MUCL3: variants seen among roughly 807,000 people sequenced by gnomAD.
The protein encoded by MUCL3 is mucin like 3.
Under a neutral mutation model 70.2 loss-of-function variants are expected in MUCL3, and 42 were observed. That is an observed-to-expected ratio of 0.60 (90% CI 0.47 to 0.77). The LOEUF is 0.77. MUCL3 is among the 30% of genes least tolerant of loss of function. The pLI is 0.00. For synonymous variants in MUCL3, 522 were observed against 647.0 expected (o/e 0.81, Z 2.93); for missense variants, 1,429 against 1,670.0 (o/e 0.86, Z 2.52).
rs774428651 is a variant in MUCL3, at chr6:30,951,975, G to T, written c.3511G>T (p.Glu1171Ter). Residue 1171 changes from glutamate to a stop codon, truncating the protein, a stop_gained, in exon 2 of 3, where the codon GAA (glutamate) becomes TAA (stop). Transcript: ENST00000462446. LOFTEE classifies it high-confidence loss of function. The part of the protein sequence containing the change: ...QVTEKSTEHP[E>*]KTTSTTEKTT... ...CACAGAAAAGTCCACAGAACACCCAGAAAAGACCACGTCAACCACAGAGAA... is the reference window on the plus strand; with the variant it reads ...CACAGAAAAGTCCACAGAACACCCATAAAAGACCACGTCAACCACAGAGAA... The T allele has an allele frequency of 1.2e-6, 2 of 1,612,408 alleles. No homozygotes were observed. Among genetic ancestry groups the T allele is most frequent in the Non-Finnish European group, 1.7e-6 (2 of 1,179,756 alleles).
Position 30,951,501 on chromosome 6 carries a change from A to T in MUCL3, c.3037A>T (p.Thr1013Ser), listed in dbSNP as rs1449562222. 1 of 1,551,252 alleles carries T rather than the reference A, an allele frequency of 6.4e-7. No homozygotes were observed. Among genetic ancestry groups the T allele is most frequent in the Non-Finnish European group, 8.7e-7 (1 of 1,146,842 alleles). ...EHGERTANEKTTPSPAEPTEH... is the reference protein window; with the variant it reads ...EHGERTANEKSTPSPAEPTEH... ...TGGAGAAAGGACAGCCAATGAGAAG[A>T]CCACACCATCCCCAGCAGAGCCTAC... is the stretch of plus-strand genomic sequence containing the variant. Residue 1013 changes from threonine (T) to serine (S), a missense_variant, in exon 2 of 3, where the codon ACC (threonine) becomes TCC (serine). Physicochemically the swap from Thr to Ser is moderately conservative, Grantham distance 58. Transcript: ENST00000462446.
intron 1 of MUCL3, among the ~76,000 whole-genome samples, chr6:30,943,029 G>A (rs756863330): frequency 1.3e-5 from 2 of 152,126 alleles, no homozygotes; most frequent in African/African-American, 4.8e-5. Context: ...TGATGAGGTC[G>A]GGTGGAACTG....
chr6:30,948,969 C>G lies in MUCL3; in HGVS notation c.505C>G (p.Arg169Gly). 6.4e-7 allele frequency: 1 copy of G among 1,551,536 alleles called. No homozygotes were observed. Among genetic ancestry groups the G allele is most frequent in the Non-Finnish European group, 8.7e-7 (1 of 1,146,950 alleles). The change falls in exon 2 of 3, where the codon CGT becomes GGT. Residue 169 changes from arginine to glycine, a missense_variant. Coordinates refer to ENST00000462446, the MANE Select transcript of MUCL3 (RefSeq NM_080870.4). ...TPAPKSKINC[R>G]KSTTGKSTVT... ...AGCACCCAAGAGCAAAATAAACTGT[C>G]GTAAGTCCACAACAGGCAAATCAAC...
intron 1 of MUCL3, among the ~76,000 whole-genome samples, chr6:30,945,763 G>A (rs1375334298): frequency 6.6e-6 from 1 of 152,152 alleles, no homozygotes; most frequent in East Asian, 1.9e-4. Flanking sequence ...GACCATCCTG[G>A]CTAACACAGT....
rs111658797 is a variant in MUCL3, at chr6:30,950,664, A to G, written c.2200A>G (p.Thr734Ala). 54,661 of 1,547,194 alleles carry G rather than the reference A, an allele frequency of 0.035. 1,340 individuals carry two copies. The highest frequency in any genetic ancestry group is 0.09 in the Admixed American group (4,560 of 50,690). The part of the protein sequence containing the change: ...NRERTANEKT[T>A]PFPAEPTENR... ...AGAAAGGACAGCCAATGAGAAGACC[A>G]CACCATTCCCAGCAGAGCCTACAGA... The change falls in exon 2 of 3, where the codon ACA becomes GCA. Residue 734 changes from threonine (T) to alanine (A), a missense_variant. Thr to Ala is a moderately conservative substitution (Grantham distance 58). Transcript: ENST00000462446.
In MUCL3 at chr6:30,951,308, G is replaced by T; in HGVS notation, c.2844G>T (p.Arg948Ser). ...SRAEPTEHGE[R>S]IANEKATPSP... ...CAGAGCCTACAGAACATGGAGAAAGGATAGCCAATGAGAAGGCCACACCAT... is the reference window on the plus strand; with the variant it reads ...CAGAGCCTACAGAACATGGAGAAAGTATAGCCAATGAGAAGGCCACACCAT... The change falls in exon 2 of 3, where the codon AGG becomes AGT. Residue 948 changes from arginine to serine, a missense_variant. Arg to Ser is a moderately radical substitution (Grantham distance 110, BLOSUM62 -1). Transcript: ENST00000462446. The T allele has an allele frequency of 6.5e-7, 1 of 1,547,334 alleles. No homozygotes were observed. Among genetic ancestry groups the T allele is most frequent in the Non-Finnish European group, 8.7e-7 (1 of 1,146,052 alleles).
intron 1 of MUCL3, 83 bp downstream of exon 1, chr6:30,941,164 T>G (rs536091996): frequency 6.7e-7 from 1 of 1,490,992 alleles, no homozygotes; most frequent in African/African-American, 1.4e-5. Context: ...TAGAAATGAA[T>G]GAAGGGGGCG....
Position 30,950,479 on chromosome 6 carries a change from C to A in MUCL3, c.2015C>A (p.Thr672Asn). 1 of 1,550,608 alleles carries A rather than the reference C, an allele frequency of 6.4e-7. No individual in the cohort carries two copies. Among genetic ancestry groups the A allele is most frequent in the Non-Finnish European group, 8.7e-7 (1 of 1,146,836 alleles). ...AGAGAAAGGACAGCCAATGAGAAGA[C>A]CACATCATCCCCAGCAGAGCCTACA... ...ENRERTANEK[T>N]TSSPAEPTEN... Residue 672 changes from threonine (T) to asparagine (N), a missense_variant, in exon 2 of 3, where the codon ACC (threonine) becomes AAC (asparagine). Thr to Asn is a moderately conservative substitution (Grantham distance 65). Coordinates refer to ENST00000462446, the MANE Select transcript of MUCL3 (RefSeq NM_080870.4).
chr6:30,946,059 G>C (rs1447307590), intron 1 of MUCL3: 3 of 152,344 alleles, frequency 2.0e-5, no homozygotes, highest in Admixed American at 6.5e-5. Context: ...AGCAGAGAAA[G>C]TGGCCCAGGA....
chr6:30,953,124 AG>A lies in MUCL3; in HGVS notation c.*8del. 8.7e-6 allele frequency: 14 copies of A among 1,613,776 alleles called. No individual in the cohort carries two copies. The highest frequency in any genetic ancestry group is 1.2e-5 in the Non-Finnish European group (14 of 1,179,972). ...GATCCCTTCCCCACGGTGATCTTGG[AG>A]TAGGCGCCCAGCCCTGGCTCTTCCA... On this transcript the variant is annotated 3_prime_UTR_variant, in exon 3 of 3. Coordinates refer to ENST00000462446, the MANE Select transcript of MUCL3 (RefSeq NM_080870.4).
At chr6:30,943,581 A>G (rs1421829967) in intron 1 of MUCL3, among the ~76,000 whole-genome samples, 3 of 152,164 alleles carry the variant, frequency 2.0e-5, no homozygotes, top group African/African-American at 4.8e-5. Flanking sequence ...GGTGCAGCCC[A>G]GATGAAATCA....
rs1295420632 is a variant in MUCL3 at position 30,950,649 on chromosome 6, G to T, written c.2185G>T (p.Ala729Ser). 3.9e-6 allele frequency: 6 copies of T among 1,535,870 alleles called. No homozygotes were observed. Among genetic ancestry groups the T allele is most frequent in the Admixed American group, 4.0e-5 (2 of 50,262 alleles). Residue 729 changes from alanine (A) to serine (S), a missense_variant, in exon 2 of 3, where the codon GCC becomes TCC. By Grantham distance (99) the Ala-to-Ser change is moderately conservative. Coordinates refer to ENST00000462446, the MANE Select transcript of MUCL3 (RefSeq NM_080870.4). Reference sequence around the variant, plus strand: ...GCCTACAGAAAATAGAGAAAGGACAGCCAATGAGAAGACCACACCATTCCC... The same window carrying T: ...GCCTACAGAAAATAGAGAAAGGACATCCAATGAGAAGACCACACCATTCCC... ...AEPTENRERTANEKTTPFPAE... is the reference protein window; with the variant it reads ...AEPTENRERTSNEKTTPFPAE...
rs1438215865 is a variant in MUCL3, at chr6:30,951,711, C to A, written c.3247C>A (p.Pro1083Thr). 26 of 1,552,000 alleles carry A rather than the reference C, an allele frequency of 1.7e-5. No homozygotes were observed. Among genetic ancestry groups the A allele is most frequent in the Non-Finnish European group, 2.2e-5 (25 of 1,147,098 alleles). ...GAAGATCACACTATCCCCAGAAGGG[C>A]CTACAGAACATGGAGCAAAAACTAC... ...NEKITLSPEG[P>T]TEHGAKTTSA... is the part of the protein sequence containing the mutation. Residue 1083 changes from proline (P) to threonine (T), a missense_variant, in exon 2 of 3, where the codon CCT becomes ACT. Coordinates refer to ENST00000462446, the MANE Select transcript of MUCL3 (RefSeq NM_080870.4).
intron 1 of MUCL3, among the ~76,000 whole-genome samples, chr6:30,945,469 G>A (rs1202810341): frequency 8.6e-5 from 10 of 116,690 alleles, no homozygotes; most frequent in Admixed American, 7.3e-4. Flanking sequence ...GAGACCCTGC[G>A]TCTTAAAAAA....
Position 30,953,364 on chromosome 6 carries a change from T to A in MUCL3, c.*247T>A. 1.7e-6 allele frequency: 1 copy of A among 594,134 alleles called. No individual in the cohort carries two copies. Among genetic ancestry groups the A allele is most frequent in the Non-Finnish European group, 2.9e-6 (1 of 343,410 alleles). The allele number at this position is 594,134 out of a possible 1,614,324, so 36.8% of individuals were successfully genotyped here. On this transcript the variant is annotated 3_prime_UTR_variant, in exon 3 of 3. Transcript: ENST00000462446. ...AGCAGACATTCTCTGTAGAAGGTAA[T>A]GGTCTGAGAATGAAAAGGTGTTTGA...
At position 30,953,283 on chromosome 6, in the gene MUCL3, T is replaced by G; in HGVS notation, c.*166T>G. On this transcript the variant is annotated 3_prime_UTR_variant, in exon 3 of 3. Coordinates refer to ENST00000462446, the MANE Select transcript of MUCL3 (RefSeq NM_080870.4). ...TCTTGAAACTGGTTGGGGAATGAGG[T>G]GATAAGCAAGGAGGGTGTAAGTTTA... 9.6e-7 allele frequency: 1 copy of G among 1,044,604 alleles called. No homozygotes were observed. 64.7% of individuals were successfully genotyped at this position (1,044,604 alleles called of 1,614,324 possible).
At position 30,949,934 on chromosome 6, in the gene MUCL3, G is replaced by A; in HGVS notation, c.1470G>A (p.Lys490=). The A allele has an allele frequency of 6.7e-7, 1 of 1,499,248 alleles. No homozygotes were observed. The highest frequency in any genetic ancestry group is 8.9e-7 in the Non-Finnish European group (1 of 1,126,086). The allele number at this position is 1,499,248 out of a possible 1,614,324, so 92.9% of individuals were successfully genotyped here. A position where few individuals can be genotyped will look rare whatever the true frequency, so the allele number is the denominator to read the frequency against. ...TENRETTANE[K]TTPSPAEPTE... Reference sequence around the variant, plus strand: ...ATAGAGAAACAACAGCCAATGAGAAGACCACACCATCCCCAGCAGAGCCTA... The same window carrying A: ...ATAGAGAAACAACAGCCAATGAGAAAACCACACCATCCCCAGCAGAGCCTA... Residue 490 remains lysine (K), a synonymous_variant, in exon 2 of 3, where the codon AAG becomes AAA. Coordinates refer to ENST00000462446, the MANE Select transcript of MUCL3 (RefSeq NM_080870.4).
rs929440642 is a variant in MUCL3, at chr6:30,949,862, G to A, written c.1398G>A (p.Thr466=). 13 of 1,547,354 alleles carry A rather than the reference G, an allele frequency of 8.4e-6. No individual in the cohort carries two copies. The highest frequency in any genetic ancestry group is 4.2e-5 in the African/African-American group (3 of 71,532). ...SPAGPTENRE[T]TANEKTTLSP... ...CAGGGCCTACAGAAAACAGAGAAAC[G>A]ACAGCCAACGAGAAGACCACACTAT... The change falls in exon 2 of 3, where the codon ACG becomes ACA. Residue 466 remains threonine (T), a synonymous_variant. Transcript: ENST00000462446.
chr6:30,941,196 G>A (rs1795557830), intron 1 of MUCL3, 115 bp downstream of exon 1: 1 of 1,253,082 alleles, frequency 8.0e-7, no homozygotes, highest in Non-Finnish European at 1.1e-6. Flanking sequence ...GCTACAGACA[G>A]TTGTCTAGAG....
Sources: gnomAD v4.1 joint callset for allele counts (sites outside exome capture counted in the v4.1 genomes callset) on GRCh38, gnomAD v4.1.1 for gene constraint, MANE v1.5 for transcripts, NCBI Gene and HGNC (gene_info 2026-07-23, HGNC 2026-07-21) for gene names.